Variants in PDE4D observed in about 807,000 individuals in gnomAD.
The protein encoded by PDE4D is 3',5'-cyclic-AMP phosphodiesterase 4D.
In PDE4D, 24 loss-of-function variants were observed where a neutral mutation model predicts 87.4. That is an observed-to-expected ratio of 0.27 (90% CI 0.20 to 0.39). PDE4D has a LOEUF of 0.39. Ranked by LOEUF, PDE4D falls within the 10% of genes least tolerant of loss-of-function variation. The pLI is 1.00. For missense variants in PDE4D, 714 were observed against 1,041.0 expected (o/e 0.69, Z 4.32); for synonymous variants, 384 against 383.2 (o/e 1.00, Z -0.02).
intron 2 of PDE4D, among the ~76,000 whole-genome samples, chr5:59,999,354 G>C (rs1444131807): frequency 1.3e-5 from 2 of 152,038 alleles, no homozygotes; most frequent in Non-Finnish European, 2.9e-5. Flanking sequence ...GATGCCTGGG[G>C]TCTGCAGAGA....
At chr5:60,084,577 A>G (rs1014154568) in intron 2 of PDE4D, among the ~76,000 whole-genome samples, 20 of 152,234 alleles carry the variant, frequency 1.3e-4, no homozygotes, top group African/African-American at 4.6e-4. Context: ...CATTTGAAGT[A>G]CATTTGGGAA....
chr5:59,618,886 T>C (rs1381800302), intron 1 of PDE4D, among the ~76,000 whole-genome samples: 1 of 152,148 alleles, frequency 6.6e-6, no homozygotes, highest in East Asian at 1.9e-4. Flanking sequence ...CCTCTCACTT[T>C]CCGCCATATG....
chr5:59,807,198 G>A (rs1767836163), intron 1 of PDE4D, among the ~76,000 whole-genome samples: 1 of 152,080 alleles, frequency 6.6e-6, no homozygotes, highest in East Asian at 1.9e-4. Context: ...CAGACAAAAA[G>A]AGGTCCTGCC....
At chr5:59,347,134 T>C (rs375627889) in intron 1 of PDE4D, among the ~76,000 whole-genome samples, 48 of 152,336 alleles carry the variant, frequency 3.2e-4, no homozygotes, top group African/African-American at 1.1e-3. Flanking sequence ...ATCTGATTCA[T>C]TAACTTTCCA....
chr5:60,037,845 C>T (rs1169701498), intron 2 of PDE4D, among the ~76,000 whole-genome samples: 1 of 152,052 alleles, frequency 6.6e-6, no homozygotes, highest in East Asian at 1.9e-4. Context: ...CTAAGCAACC[C>T]TAAAATATTT....
chr5:59,381,564 C>T (rs1329063126), intron 1 of PDE4D, among the ~76,000 whole-genome samples: 1 of 152,100 alleles, frequency 6.6e-6, no homozygotes, highest in Non-Finnish European at 1.5e-5. Context: ...ATTTAAATCT[C>T]ACACAATCAC....
At chr5:59,545,361 T>C (rs913576940) in intron 1 of PDE4D, among the ~76,000 whole-genome samples, 2 of 151,242 alleles carry the variant, frequency 1.3e-5, no homozygotes, top group African/African-American at 4.9e-5. Flanking sequence ...AAAAAAAAAA[T>C]GTTGCAGTTT....
At chr5:59,016,148 G>A (rs1296698854) in intron 6 of PDE4D, among the ~76,000 whole-genome samples, 1 of 152,016 alleles carries the variant, frequency 6.6e-6, no homozygotes, top group Non-Finnish European at 1.5e-5. Flanking sequence ...GGAGTGGGAG[G>A]GATAGCATTA....
intron 3 of PDE4D, among the ~76,000 whole-genome samples, chr5:59,950,800 T>C (rs2152804291): frequency 6.6e-6 from 1 of 152,282 alleles, no homozygotes; most frequent in East Asian, 1.9e-4. Context: ...TCTTCTTTTT[T>C]CCTCGTTTTA....
chr5:59,692,648 A>T (rs1751158067), intron 1 of PDE4D, among the ~76,000 whole-genome samples: 1 of 152,120 alleles, frequency 6.6e-6, no homozygotes, highest in Non-Finnish European at 1.5e-5. Context: ...GCTGAACTAG[A>T]TTCTATGTTG....
intron 2 of PDE4D, among the ~76,000 whole-genome samples, chr5:60,033,660 A>G (rs1237900951): frequency 6.6e-6 from 1 of 152,194 alleles, no homozygotes; most frequent in Non-Finnish European, 1.5e-5. Context: ...GCTTTTGTTG[A>G]CACCCTAAGG....
chr5:60,433,234 GC>G (rs1314017341), intron 1 of PDE4D, among the ~76,000 whole-genome samples: 3 of 151,858 alleles, frequency 2.0e-5, no homozygotes, highest in Non-Finnish European at 2.9e-5. Flanking sequence ...AAATTGACAA[GC>G]AAAAAAACAA....
In PDE4D at chr5:59,482,909, C is replaced by T. The variant is rs12656245; in HGVS notation, c.456-266941G>A. 5.1e-4 allele frequency among the ~76,000 whole-genome samples: 77 copies of T among 152,224 alleles called. No individual in the cohort carries two copies. In the East Asian group the frequency reaches 0.013, roughly 26 times the overall value. On this transcript the variant is annotated intron_variant, in intron 1 of 14. Coordinates refer to ENST00000340635, the MANE Select transcript of PDE4D (RefSeq NM_001104631.2). Reference sequence around the variant, plus strand: ...GGGTGCCCAGATATTTAATTAACATCATCTGGGGTATGTGTGTGAGGGTGT... The same window carrying T: ...GGGTGCCCAGATATTTAATTAACATTATCTGGGGTATGTGTGTGAGGGTGT...
rs567557376 is a variant in PDE4D at position 59,711,703 on chromosome 5, C to T, written c.455+181465G>A. ...CATTTCCAATGCCAAATTATTCCAGCGATTTTTAATTGGTAGCATATTATT... is the reference window on the plus strand; with the variant it reads ...CATTTCCAATGCCAAATTATTCCAGTGATTTTTAATTGGTAGCATATTATT... On this transcript the variant is annotated intron_variant, in intron 1 of 14. Transcript: ENST00000340635. 2.2e-4 allele frequency among the ~76,000 whole-genome samples: 34 copies of T among 152,166 alleles called. 1 individual carries two copies. The highest frequency in any genetic ancestry group is 7.9e-4 in the African/African-American group (33 of 41,550).
intron 1 of PDE4D, among the ~76,000 whole-genome samples, chr5:60,412,753 A>G (rs867704369): frequency 6.6e-6 from 1 of 152,204 alleles, no homozygotes; most frequent in Non-Finnish European, 1.5e-5. Flanking sequence ...TTTTATGTCA[A>G]TTATTTTGGT....
At chr5:59,497,765 G>T (rs1807492475) in intron 1 of PDE4D, among the ~76,000 whole-genome samples, 1 of 152,098 alleles carries the variant, frequency 6.6e-6, no homozygotes, top group Non-Finnish European at 1.5e-5. Context: ...ATATAATTCA[G>T]GGAAATTTCC....
intron 3 of PDE4D, among the ~76,000 whole-genome samples, chr5:59,932,216 G>A (rs533828492): frequency 1.6e-4 from 25 of 152,154 alleles, no homozygotes; most frequent in Admixed American, 6.5e-5. Context: ...AACTTAAGTT[G>A]TCTCCTGTCA....
intron 1 of PDE4D, among the ~76,000 whole-genome samples, chr5:60,295,126 GA>G (rs1231173716): frequency 6.6e-6 from 1 of 151,974 alleles, no homozygotes; most frequent in African/African-American, 2.4e-5. Flanking sequence ...GGCATTATAA[GA>G]AATGAAATGT....
At chr5:59,474,517 G>A (rs1281807732) in intron 1 of PDE4D, among the ~76,000 whole-genome samples, 4 of 152,022 alleles carry the variant, frequency 2.6e-5, no homozygotes, top group Admixed American at 2.6e-4. Context: ...AAGCAAAAGT[G>A]GTATGTGTCA....
Sources: gnomAD v4.1 joint callset for allele counts (sites outside exome capture counted in the v4.1 genomes callset) on GRCh38, gnomAD v4.1.1 for gene constraint, MANE v1.5 for transcripts, NCBI Gene and HGNC (gene_info 2026-07-23, HGNC 2026-07-21) for gene names.